The following TRMT5 variants were observed in gnomAD, a reference collection of about 807,000 sequenced individuals.
The protein encoded by TRMT5 is tRNA methyltransferase 5, also known as tRNA (guanine(37)-N(1))-methyltransferase.
In TRMT5, 31 loss-of-function variants were observed where a neutral mutation model predicts 42.2. That is an observed-to-expected ratio of 0.73 (90% CI 0.55 to 0.99). The LOEUF (loss-of-function observed/expected upper bound fraction) is 0.99, where lower values mean the gene tolerates loss of function less well. Among genes scored for constraint, TRMT5 ranks in the 50% least tolerant of loss-of-function variants. The pLI is 0.00. For missense variants in TRMT5, 568 were observed against 595.0 expected, an observed-to-expected ratio of 0.95 and a Z score of 0.47; for synonymous variants, 198 against 209.6, an observed-to-expected ratio of 0.94 and a Z score of 0.48.
Position 60,979,362 on chromosome 14 carries a change from T to G in TRMT5, c.536A>C (p.His179Pro). The change falls in exon 2 of 5, where the codon CAC (histidine) becomes CCC (proline). Residue 179 changes from histidine (H) to proline (P), a missense_variant. By Grantham distance (77) the His-to-Pro change is moderately conservative. Coordinates refer to ENST00000261249, the MANE Select transcript of TRMT5 (RefSeq NM_020810.3). ...SKYNLELTYE[H>P]FKSEEILRAV... is the part of the protein sequence containing the mutation. ...TCTCAAGATTTCTTCTGACTTAAAG[T>G]GTTCATATGTTAGTTCCAAATTGTA... The G allele has an allele frequency of 6.2e-7, 1 of 1,614,156 alleles. No individual in the cohort carries two copies.
chr14:60,979,103 A>C (rs1009142584), intron 2 of TRMT5, 128 bp downstream of exon 2: 28 of 828,806 alleles, frequency 3.4e-5, no homozygotes, highest in Non-Finnish European at 4.8e-5. Flanking sequence ...CTCAAGATCT[A>C]GCTTAAAGTT....
At position 60,975,607 on chromosome 14, in the gene TRMT5, C is replaced by T. The variant is rs1267769634; in HGVS notation, c.1312G>A (p.Val438Met). 1.9e-6 allele frequency: 3 copies of T among 1,614,096 alleles called. No individual in the cohort carries two copies. In the African/African-American group the frequency reaches 4.0e-5, roughly 22 times the overall value. The change falls in exon 4 of 5, where the codon GTG (valine) becomes ATG (methionine). Residue 438 changes from valine (V) to methionine (M), a missense_variant. By Grantham distance (21) the Val-to-Met change is conservative. Coordinates refer to ENST00000261249, the MANE Select transcript of TRMT5 (RefSeq NM_020810.3). ...AEDVRQRAGA[V>M]LGISLEACSS... ...CATGCCTCCAGAGAAATGCCTAACA[C>T]AGCTCCAGCCCTTTGCCGAACATCC...
chr14:60,976,916 C>T (rs755092607), intron 3 of TRMT5, among the ~76,000 whole-genome samples: 42 of 152,160 alleles, frequency 2.8e-4, no homozygotes, highest in Non-Finnish European at 1.2e-4. Flanking sequence ...TCATCTTAAA[C>T]TCATTAATTT....
At chr14:60,976,995 T>C (rs1056685914) in intron 3 of TRMT5, among the ~76,000 whole-genome samples, 3 of 152,162 alleles carry the variant, frequency 2.0e-5, no homozygotes, top group African/African-American at 7.2e-5. Context: ...ACATCTTCCA[T>C]CTTCTGCTTT....
intron 1 of TRMT5, 162 bp downstream of exon 1, chr14:60,980,801 A>G (rs1270260102): frequency 1.9e-6 from 2 of 1,051,426 alleles, no homozygotes; most frequent in African/African-American, 1.6e-5. Flanking sequence ...AAGGCTTTTG[A>G]AACATTCCTT....
rs746260415 is a variant in TRMT5, at chr14:60,975,599, G to A, written c.1320C>T (p.Gly440=). The A allele has an allele frequency of 1.9e-6, 3 of 1,614,194 alleles. No individual in the cohort carries two copies. In the Admixed American group the frequency reaches 5.0e-5, roughly 27 times the overall value. Residue 440 remains glycine, a synonymous_variant, in exon 4 of 5, where the codon GGC becomes GGT. Transcript: ENST00000261249. ...DVRQRAGAVL[G]ISLEACSSVH... is the part of the protein sequence containing the mutation. ...CTGAACTGCATGCCTCCAGAGAAAT[G>A]CCTAACACAGCTCCAGCCCTTTGCC...
At chr14:60,978,527 T>C (rs1047876740) in intron 2 of TRMT5, among the ~76,000 whole-genome samples, 1 of 152,206 alleles carries the variant, frequency 6.6e-6, no homozygotes, top group Non-Finnish European at 1.5e-5. Flanking sequence ...TAAAAACTAT[T>C]CTGAAGGTCT....
In TRMT5 at chr14:60,979,764, G is replaced by A. The variant is rs142413701; in HGVS notation, c.134C>T (p.Ala45Val). The A allele has an allele frequency of 1.1e-4, 182 of 1,613,958 alleles. No homozygotes were observed. Among genetic ancestry groups the A allele is most frequent in the Middle Eastern group, 1.6e-4 (1 of 6,062 alleles). Residue 45 changes from alanine (A) to valine (V), a missense_variant, in exon 2 of 5, where the codon GCA becomes GTA. Physicochemically the swap from Ala to Val is moderately conservative, Grantham distance 64. Coordinates refer to ENST00000261249, the MANE Select transcript of TRMT5 (RefSeq NM_020810.3). ...WTSLTQMLLE[A>V]PGIFLLGQRK... The stretch of plus-strand genomic sequence containing the variant: ...TTGACCCAATAAGAAAATACCAGGT[G>A]CTTCCAAAAGCATCTGTGTCAGGGA...
In TRMT5 at chr14:60,975,764, G is replaced by C. The variant is rs763148036; in HGVS notation, c.1155C>G (p.Val385=). ...CTATAGCTTTTGCTGGCAAGTTCAT[G>C]ACAACGTGCACAGAGGGTTTTCTTT... ...SKERKPSVHV[V]MNLPAKAIEF... is the part of the protein sequence containing the mutation. Residue 385 remains valine, a synonymous_variant, in exon 4 of 5, where the codon GTC becomes GTG. Transcript: ENST00000261249. The C allele has an allele frequency of 6.2e-7, 1 of 1,614,202 alleles. No individual in the cohort carries two copies. Among genetic ancestry groups the C allele is most frequent in the Middle Eastern group, 1.6e-4 (1 of 6,062 alleles).
rs1055736878 is a variant in TRMT5, at chr14:60,974,737, ATAGT to A, written c.*368_*371del. The A allele has an allele frequency of 6.5e-6, 1 of 153,278 alleles. No homozygotes were observed. The highest frequency in any genetic ancestry group is 1.5e-5 in the Non-Finnish European group (1 of 68,846). 9.5% of individuals were successfully genotyped at this position (153,278 alleles called of 1,614,324 possible). A position where few individuals can be genotyped will look rare whatever the true frequency, so the allele number is the denominator to read the frequency against. On this transcript the variant is annotated 3_prime_UTR_variant, in exon 5 of 5. Coordinates refer to ENST00000261249, the MANE Select transcript of TRMT5 (RefSeq NM_020810.3). ...TTCATTTTTTATTACTTTTATGGTG[ATAGT>A]TAATTGGCAGTAAAGGAGTAGTTAC...
chr14:60,981,479 A>G (rs1223084778), upstream of TRMT5: 6 of 1,538,760 alleles, frequency 3.9e-6, no homozygotes, highest in Non-Finnish European at 5.2e-6. Context: ...GCACCGGGAC[A>G]GGGGAGATGC....
At position 60,977,499 on chromosome 14, in the gene TRMT5, G is replaced by A; in HGVS notation, c.792+15C>T. ...AATATTGATATACACCTTACTTGGAGATAATAAAATATACCTTTGTCATCA... is the reference window on the plus strand; with the variant it reads ...AATATTGATATACACCTTACTTGGAAATAATAAAATATACCTTTGTCATCA... On this transcript the variant is annotated intron_variant, in intron 3 of 4. Transcript: ENST00000261249. The A allele has an allele frequency of 6.3e-7, 1 of 1,592,104 alleles. No homozygotes were observed. Among genetic ancestry groups the A allele is most frequent in the Non-Finnish European group, 8.5e-7 (1 of 1,172,222 alleles).
In TRMT5 at chr14:60,974,114, A is replaced by G. The variant is rs1254869554; in HGVS notation, c.*995T>C. On this transcript the variant is annotated 3_prime_UTR_variant, in exon 5 of 5. Transcript: ENST00000261249. ...CCTACTGTACTTTAAAAATAACAAC[A>G]AAGTCCACTTTTCTTGTTTTGCTAT... 3 of 152,208 alleles carry G rather than the reference A, an allele frequency of 2.0e-5. No homozygotes were observed. The highest frequency in any genetic ancestry group is 7.2e-5 in the African/African-American group (3 of 41,452). The allele number at this position is 152,208 out of a possible 1,614,324, so 9.4% of individuals were successfully genotyped here.
chr14:60,972,577 C>T lies in TRMT5; in HGVS notation c.*2532G>A, dbSNP rs368727012. On this transcript the variant is annotated 3_prime_UTR_variant, in exon 5 of 5. Coordinates refer to ENST00000261249, the MANE Select transcript of TRMT5 (RefSeq NM_020810.3). ...CCTCTTCTCCTTCACACTGCTCCCA[C>T]GCTTTTTTAATTGACAAAATTCAAA... 21 of 342,318 alleles carry T rather than the reference C, an allele frequency of 6.1e-5. No homozygotes were observed. Among genetic ancestry groups the T allele is most frequent in the South Asian group, 2.6e-4 (11 of 41,702 alleles). 21.2% of individuals were successfully genotyped at this position (342,318 alleles called of 1,614,324 possible).
Position 60,973,966 on chromosome 14 carries a change from G to C in TRMT5, c.*1143C>G, listed in dbSNP as rs1594924074. On this transcript the variant is annotated 3_prime_UTR_variant, in exon 5 of 5. Coordinates refer to ENST00000261249, the MANE Select transcript of TRMT5 (RefSeq NM_020810.3). ...TTTAAATTTTCTAATTTTTCTAACAGTTGCTTGCCTGTGAGTTGGGAATAC... is the reference window on the plus strand; with the variant it reads ...TTTAAATTTTCTAATTTTTCTAACACTTGCTTGCCTGTGAGTTGGGAATAC... 1 of 152,154 alleles carries C rather than the reference G, an allele frequency of 6.6e-6. No individual in the cohort carries two copies. Among genetic ancestry groups the C allele is most frequent in the African/African-American group, 2.4e-5 (1 of 41,446 alleles). The allele number at this position is 152,154 out of a possible 1,614,324, so 9.4% of individuals were successfully genotyped here.
rs1172825880 is a variant in TRMT5 at position 60,979,408 on chromosome 14, C to CA, written c.489dup (p.Val164CysfsTer7). 13 of 1,614,100 alleles carry CA rather than the reference C, an allele frequency of 8.1e-6. No individual in the cohort carries two copies. The highest frequency in any genetic ancestry group is 1.1e-5 in the Non-Finnish European group (13 of 1,180,014). On this transcript the variant is annotated frameshift_variant, in exon 2 of 5. Coordinates refer to ENST00000261249, the MANE Select transcript of TRMT5 (RefSeq NM_020810.3). LOFTEE classifies it high-confidence loss of function. ...TTGTATTTAGAGATCTGTGGACTGA[C>CA]ATTAAGCTGCTCTAAAACACTGAGT...
At chr14:60,979,195 C>A in intron 2 of TRMT5, 36 bp downstream of exon 2, 2 of 1,501,440 alleles carry the variant, frequency 1.3e-6, no homozygotes, top group Non-Finnish European at 1.8e-6. Context: ...TTGCAAATTC[C>A]CTTCAAATAC....
At chr14:60,975,274 A>G (rs776705852) in intron 4 of TRMT5, 80 bp from the exon 5 acceptor site, 13 of 1,352,690 alleles carry the variant, frequency 9.6e-6, no homozygotes, top group Non-Finnish European at 1.1e-5. Flanking sequence ...CAATATAGGC[A>G]TTTTTAATCT....
intron 3 of TRMT5, among the ~76,000 whole-genome samples, chr14:60,976,412 T>G (rs868867429): frequency 1.5e-4 from 23 of 152,324 alleles, no homozygotes; most frequent in East Asian, 9.6e-4. Flanking sequence ...GGCCATAAAG[T>G]AGTTACCATA....
Sources: allele counts gnomAD v4.1 joint callset (sites outside exome capture counted in the v4.1 genomes callset), GRCh38; gene constraint gnomAD v4.1.1; transcripts MANE v1.5; gene names NCBI Gene and HGNC (gene_info 2026-07-23, HGNC 2026-07-21).